The following ZNF83 variants were observed in gnomAD, a reference collection of about 807,000 sequenced individuals.
ZNF83 encodes zinc finger protein 83, also known as zinc finger protein 816B.
For synonymous variants in ZNF83, 209 were observed against 213.0 expected, an observed-to-expected ratio of 0.98 and a Z score of 0.17; for missense variants, 552 against 629.9, an observed-to-expected ratio of 0.88 and a Z score of 1.32.
At chr19:52,668,131 C>G (rs953343384) in intron 1 of ZNF83, among the ~76,000 whole-genome samples, 6 of 152,178 alleles carry the variant, frequency 3.9e-5, no homozygotes, top group African/African-American at 1.4e-4. Flanking sequence ...AGCACAGGCG[C>G]CAGCTTCGGA....
chr19:52,680,757 C>G (rs895425201), intron 1 of ZNF83, among the ~76,000 whole-genome samples: 5 of 143,116 alleles, frequency 3.5e-5, no homozygotes, highest in Non-Finnish European at 7.5e-5. Context: ...GGACTACAGG[C>G]GCCCGCCACT....
intron 1 of ZNF83, among the ~76,000 whole-genome samples, chr19:52,687,077 AG>A (rs547718882): frequency 6.6e-5 from 10 of 151,462 alleles, no homozygotes; most frequent in Non-Finnish European, 1.3e-4. Context: ...ACTACTCAGG[AG>A]GCTAAGGCAG....
intron 1 of ZNF83, among the ~76,000 whole-genome samples, chr19:52,674,853 C>A (rs144479202): frequency 6.6e-6 from 1 of 152,138 alleles, no homozygotes; most frequent in Non-Finnish European, 1.5e-5. Context: ...TTTAACACAA[C>A]GCCCATACAA....
chr19:52,678,170 A>C (rs2061849039), intron 1 of ZNF83, among the ~76,000 whole-genome samples: 1 of 152,040 alleles, frequency 6.6e-6, no homozygotes, highest in Admixed American at 6.6e-5. Flanking sequence ...TTAGAGGATA[A>C]GGCCAGGCTC....
chr19:52,680,653 C>A (rs1489612007), intron 1 of ZNF83, among the ~76,000 whole-genome samples: 1 of 132,598 alleles, frequency 7.5e-6, no homozygotes, highest in African/African-American at 3.1e-5. Context: ...CGCTCTGTCG[C>A]CCAGGCTGGA....
chr19:52,613,451 G>T (rs1201508914), exon 3 of ZNF83: 3 of 1,613,780 alleles, frequency 1.9e-6, no homozygotes, highest in Non-Finnish European at 1.7e-6. Flanking sequence ...CACTTATAAG[G>T]TTTCTCACCG....
At chr19:52,659,108 C>G (rs551530414) in intron 2 of ZNF83, among the ~76,000 whole-genome samples, 36 of 152,214 alleles carry the variant, frequency 2.4e-4, no homozygotes, top group Admixed American at 2.2e-3. Flanking sequence ...AGCTAATGCC[C>G]TCTTGTGAGG....
chr19:52,631,601 T>C (rs748466084), intron 2 of ZNF83, among the ~76,000 whole-genome samples: 3 of 152,250 alleles, frequency 2.0e-5, no homozygotes, highest in Non-Finnish European at 2.9e-5. Context: ...ACAATTACCA[T>C]TGTTCCTGGC....
At chr19:52,628,842 T>C (rs2034650271) in intron 2 of ZNF83, among the ~76,000 whole-genome samples, 1 of 151,350 alleles carries the variant, frequency 6.6e-6, no homozygotes, top group African/African-American at 2.4e-5. Flanking sequence ...CTTATTTCCA[T>C]GCCCCAACCT....
At chr19:52,688,331 C>T (rs964262506) in intron 1 of ZNF83, among the ~76,000 whole-genome samples, 2 of 150,232 alleles carry the variant, frequency 1.3e-5, no homozygotes, top group South Asian at 2.1e-4. Context: ...CCATCATACC[C>T]GATTAATTTT....
rs188761043 is a variant in ZNF83 at position 52,670,157 on chromosome 19, C to A, written c.-282-9314G>T. ...CATTCTGATCACCTGCTCCACCCTGCCTCATTCCAATCACCTGCTCCACCT... is the reference window on the plus strand; with the variant it reads ...CATTCTGATCACCTGCTCCACCCTGACTCATTCCAATCACCTGCTCCACCT... On this transcript the variant is annotated intron_variant, in intron 1 of 5. Coordinates refer to the ZNF83 transcript ENST00000594682. 2.6e-3 allele frequency among the ~76,000 whole-genome samples: 392 copies of A among 150,832 alleles called. 4 individuals carry two copies. Among genetic ancestry groups the A allele is most frequent in the Non-Finnish European group, 4.0e-3 (267 of 67,536 alleles).
intron 2 of ZNF83, among the ~76,000 whole-genome samples, chr19:52,622,214 A>AGAAGT (rs1179119814): frequency 5.3e-5 from 8 of 152,192 alleles, no homozygotes; most frequent in African/African-American, 1.7e-4. Context: ...TTCCTCTTTG[A>AGAAGT]GAAGTGCCTG....
chr19:52,614,215 T>C, exon 3 of ZNF83: 1 of 1,614,102 alleles, frequency 6.2e-7, no homozygotes, highest in Non-Finnish European at 8.5e-7. Context: ...TTGCGTCTCT[T>C]TAGTATGGAT....
chr19:52,625,496 G>A (rs1379956898), intron 2 of ZNF83, among the ~76,000 whole-genome samples: 1 of 152,076 alleles, frequency 6.6e-6, no homozygotes. Flanking sequence ...AAGACCCACT[G>A]GAATTCCCCT....
rs143965584 is a variant in ZNF83, at chr19:52,654,655, T to G, written c.-74+906A>C. Among the ~76,000 whole-genome samples, 16 of 152,236 alleles carry G rather than the reference T, an allele frequency of 1.1e-4. No individual in the cohort carries two copies. In the East Asian group the frequency reaches 2.9e-3, roughly 28 times the overall value. ...TTTCTTGAACCTAGGAGGCAGAGAT[T>G]GCAGTGAACAGAGATCACATCATTG... On this transcript the variant is annotated intron_variant, in intron 3 of 5. Coordinates refer to the ZNF83 transcript ENST00000594682.
At chr19:52,657,746 C>T (rs1458552227) in intron 2 of ZNF83, among the ~76,000 whole-genome samples, 1 of 151,694 alleles carries the variant, frequency 6.6e-6, no homozygotes, top group East Asian at 1.9e-4. Context: ...ACTTAGGAGG[C>T]TGAGGCAGGA....
intron 1 of ZNF83, among the ~76,000 whole-genome samples, chr19:52,683,271 TG>T (rs2061956050): frequency 1.1e-5 from 1 of 92,072 alleles, no homozygotes; most frequent in Non-Finnish European, 2.5e-5. Context: ...TGTGTGTGTG[TG>T]TGTGTGTGTA....
intron 2 of ZNF83, among the ~76,000 whole-genome samples, chr19:52,621,718 C>A (rs1320070145): frequency 6.6e-6 from 1 of 152,220 alleles, no homozygotes; most frequent in East Asian, 1.9e-4. Context: ...TCAACTCTCA[C>A]CTGATCTAAA....
chr19:52,654,261 A>G, intron 3 of ZNF83: 1 of 1,560,524 alleles, frequency 6.4e-7, no homozygotes. Flanking sequence ...ACTCAAAGTC[A>G]TGAATATCTT....
Sources: gnomAD v4.1 joint callset for allele counts (sites outside exome capture counted in the v4.1 genomes callset) on GRCh38, gnomAD v4.1.1 for gene constraint, MANE v1.5 for transcripts, NCBI Gene and HGNC (gene_info 2026-07-23, HGNC 2026-07-21) for gene names.